Variants in GTF2F2 observed in about 807,000 individuals in gnomAD.
GTF2F2 encodes the protein general transcription factor IIF subunit 2.
In GTF2F2, 23 loss-of-function variants were observed where a neutral mutation model predicts 42.2. That is an observed-to-expected ratio of 0.55 (90% CI 0.39 to 0.77). The LOEUF (loss-of-function observed/expected upper bound fraction) is 0.77, where lower values mean the gene tolerates loss of function less well. Ranked by LOEUF, GTF2F2 falls within the 30% of genes least tolerant of loss-of-function variation. The probability of loss-of-function intolerance (pLI) is 0.00; values close to 1 mark genes in which losing one functional copy is unlikely to be tolerated. For synonymous variants in GTF2F2, 105 were observed against 100.8 expected, an observed-to-expected ratio of 1.04 and a Z score of -0.25; for missense variants, 261 against 287.2, an observed-to-expected ratio of 0.91 and a Z score of 0.66.
intron 4 of GTF2F2, among the ~76,000 whole-genome samples, chr13:45,199,185 G>T (rs1873051235): frequency 6.6e-6 from 1 of 152,206 alleles, no homozygotes; most frequent in African/African-American, 2.4e-5. Flanking sequence ...AAAGAATACA[G>T]CTGTAAATAT....
At chr13:45,216,490 T>TTA (rs1873894385) in intron 5 of GTF2F2, among the ~76,000 whole-genome samples, 1 of 152,050 alleles carries the variant, frequency 6.6e-6, no homozygotes, top group Non-Finnish European at 1.5e-5. Flanking sequence ...CTGTACGTCT[T>TTA]TTTTAATCAA....
chr13:45,181,995 G>A (rs184226109), intron 4 of GTF2F2, among the ~76,000 whole-genome samples: 3 of 152,048 alleles, frequency 2.0e-5, no homozygotes, highest in Non-Finnish European at 2.9e-5. Context: ...ACAAATGGCC[G>A]CCCTGCTGGC....
intron 4 of GTF2F2, among the ~76,000 whole-genome samples, chr13:45,191,731 G>A (rs1253253684): frequency 3.9e-5 from 6 of 152,056 alleles, no homozygotes; most frequent in African/African-American, 1.4e-4. Context: ...TTACTAAATT[G>A]TTTTAGAACA....
At chr13:45,274,805 T>C (rs1876958335) in intron 7 of GTF2F2, among the ~76,000 whole-genome samples, 1 of 151,852 alleles carries the variant, frequency 6.6e-6, no homozygotes, top group Admixed American at 6.6e-5. Context: ...TAGCCAGGCA[T>C]GGTGGCATGT....
intron 4 of GTF2F2, among the ~76,000 whole-genome samples, chr13:45,182,648 G>C (rs910992809): frequency 3.9e-5 from 6 of 151,992 alleles, no homozygotes; most frequent in African/African-American, 1.2e-4. Flanking sequence ...CCTCCGATTT[G>C]CTTAAAGGTA....
intron 5 of GTF2F2, among the ~76,000 whole-genome samples, chr13:45,217,531 G>A (rs958607643): frequency 4.6e-5 from 7 of 152,126 alleles, no homozygotes; most frequent in Non-Finnish European, 8.8e-5. Context: ...ACAGCTTTAT[G>A]TTCAGTTAAC....
At chr13:45,264,272 A>AT (rs1480493314) in intron 6 of GTF2F2, among the ~76,000 whole-genome samples, 3 of 150,810 alleles carry the variant, frequency 2.0e-5, no homozygotes, top group African/African-American at 7.3e-5. Context: ...TTTATTTTTT[A>AT]TTTTTATTTT....
chr13:45,123,989 CTG>C (rs1239907753), intron 1 of GTF2F2: 9 of 960,850 alleles, frequency 9.4e-6, no homozygotes, highest in African/African-American at 1.6e-5. Flanking sequence ...TGTTCTGTCA[CTG>C]GGGCTGGTGG....
At chr13:45,144,740 C>A (rs147005045) in intron 2 of GTF2F2, among the ~76,000 whole-genome samples, 491 of 152,198 alleles carry the variant, frequency 3.2e-3, no homozygotes, top group African/African-American at 0.011. Context: ...ACATGTTTAA[C>A]ATTCTGGGTC....
At chr13:45,181,537 G>T (rs1438629000) in intron 4 of GTF2F2, among the ~76,000 whole-genome samples, 2 of 152,038 alleles carry the variant, frequency 1.3e-5, no homozygotes, top group Non-Finnish European at 2.9e-5. Context: ...TTAAACAACA[G>T]CAACTTTACA....
At chr13:45,231,557 T>C (rs1172175108) in intron 5 of GTF2F2, among the ~76,000 whole-genome samples, 5 of 152,196 alleles carry the variant, frequency 3.3e-5, no homozygotes, top group African/African-American at 1.2e-4. Flanking sequence ...AGTCCTCCTT[T>C]CCTGTTTTGC....
At chr13:45,229,652 G>A (rs1874570118) in intron 5 of GTF2F2, among the ~76,000 whole-genome samples, 1 of 152,152 alleles carries the variant, frequency 6.6e-6, no homozygotes, top group African/African-American at 2.4e-5. Flanking sequence ...AGGAAAGATG[G>A]TGAAGGCCAG....
At chr13:45,140,980 A>G (rs773052953) in intron 2 of GTF2F2, among the ~76,000 whole-genome samples, 1 of 152,226 alleles carries the variant, frequency 6.6e-6, no homozygotes, top group Non-Finnish European at 1.5e-5. Context: ...AAATGTGGAT[A>G]ATAATGCCTT....
At chr13:45,124,013 T>TA in intron 1 of GTF2F2, 1 of 1,107,898 alleles carries the variant, frequency 9.0e-7, no homozygotes, top group Non-Finnish European at 1.3e-6. Flanking sequence ...CCAGGGGTCT[T>TA]ACTCCTTAGA....
intron 5 of GTF2F2, among the ~76,000 whole-genome samples, chr13:45,246,338 A>G (rs1337257180): frequency 6.6e-6 from 1 of 152,070 alleles, no homozygotes; most frequent in Non-Finnish European, 1.5e-5. Context: ...AATTATAGCC[A>G]TTCTTGGAGG....
chr13:45,210,652 A>G (rs1873594838), intron 5 of GTF2F2, among the ~76,000 whole-genome samples: 1 of 152,106 alleles, frequency 6.6e-6, no homozygotes, highest in Non-Finnish European at 1.5e-5. Flanking sequence ...ATTTACATAC[A>G]CACATTTGTC....
intron 6 of GTF2F2, among the ~76,000 whole-genome samples, chr13:45,254,253 T>C (rs78428087): frequency 0.028 from 4,192 of 152,214 alleles, 209 homozygotes; most frequent in African/African-American, 0.092. Flanking sequence ...TTGAACTTTA[T>C]CAGAGATATG....
intron 6 of GTF2F2, among the ~76,000 whole-genome samples, chr13:45,256,773 G>A (rs953446756): frequency 3.9e-5 from 6 of 152,014 alleles, no homozygotes; most frequent in Non-Finnish European, 8.8e-5. Flanking sequence ...ATGATTTAGA[G>A]GAAGCATAAT....
At chr13:45,204,189 GTATATAACGTGATGTT>G (rs1475315815) in intron 4 of GTF2F2, among the ~76,000 whole-genome samples, 1 of 151,908 alleles carries the variant, frequency 6.6e-6, no homozygotes, top group Non-Finnish European at 1.5e-5. Flanking sequence ...TATATTTATG[GTATATAACGTGATGTT>G]TTGATATATG....
Sources: allele counts gnomAD v4.1 joint callset (sites outside exome capture counted in the v4.1 genomes callset), GRCh38; gene constraint gnomAD v4.1.1; transcripts MANE v1.5; gene names NCBI Gene and HGNC (gene_info 2026-07-23, HGNC 2026-07-21).